UST: variants seen among roughly 807,000 people sequenced by gnomAD.
UST encodes the protein uronyl 2-sulfotransferase.
UST carries 21 observed loss-of-function variants against 45.6 expected under a neutral mutation model. The observed-to-expected ratio is 0.46, with a 90% confidence interval of 0.33 to 0.66. The LOEUF (loss-of-function observed/expected upper bound fraction) is 0.66. Ranked by LOEUF, UST falls within the 30% of genes least tolerant of loss-of-function variation. The pLI is 0.02. For missense variants in UST, 463 were observed against 512.4 expected, an observed-to-expected ratio of 0.90 and a Z score of 0.93; for synonymous variants, 215 against 200.6, an observed-to-expected ratio of 1.07 and a Z score of -0.61.
At chr6:148,946,116 T>C (rs1486583052) in intron 3 of UST, among the ~76,000 whole-genome samples, 1 of 152,124 alleles carries the variant, frequency 6.6e-6, no homozygotes, top group African/African-American at 2.4e-5. Context: ...CAGTGAGACT[T>C]AGGGGGAAAA....
chr6:148,768,846 A>G (rs1312971690), intron 1 of UST, among the ~76,000 whole-genome samples: 1 of 152,194 alleles, frequency 6.6e-6, no homozygotes, highest in East Asian at 1.9e-4. Context: ...TCTTCGCGAT[A>G]CTAGAACCTG....
chr6:149,037,058 C>G (rs1776248673), intron 7 of UST, among the ~76,000 whole-genome samples: 1 of 151,978 alleles, frequency 6.6e-6, no homozygotes, highest in Non-Finnish European at 1.5e-5. Flanking sequence ...GAAACGTGTT[C>G]CCCAGGTTAT....
At chr6:148,880,259 C>A (rs1370772060) in intron 1 of UST, among the ~76,000 whole-genome samples, 1 of 152,034 alleles carries the variant, frequency 6.6e-6, no homozygotes. Flanking sequence ...CCAGCCAGAT[C>A]TCTGACTTTT....
intron 5 of UST, among the ~76,000 whole-genome samples, chr6:148,993,822 A>G (rs1030553902): frequency 5.9e-5 from 9 of 152,138 alleles, no homozygotes; most frequent in African/African-American, 1.4e-4. Context: ...ACCTTCTGCC[A>G]TGATTGGAAG....
chr6:148,830,594 A>C (rs1351214122), intron 1 of UST, among the ~76,000 whole-genome samples: 1 of 152,236 alleles, frequency 6.6e-6, no homozygotes, highest in Non-Finnish European at 1.5e-5. Context: ...TTTCTAGTCC[A>C]GTGGTTTTTT....
intron 5 of UST, among the ~76,000 whole-genome samples, chr6:148,992,445 G>C (rs923860349): frequency 4.6e-5 from 7 of 152,174 alleles, no homozygotes; most frequent in African/African-American, 1.7e-4. Context: ...CTCCAGCCTG[G>C]GCGAGAGAGT....
At chr6:148,796,129 T>C (rs1272097551) in intron 1 of UST, among the ~76,000 whole-genome samples, 1 of 152,128 alleles carries the variant, frequency 6.6e-6, no homozygotes, top group African/African-American at 2.4e-5. Context: ...AAGGGTAGTT[T>C]TGAATCCTCA....
intron 7 of UST, among the ~76,000 whole-genome samples, chr6:149,072,871 G>T (rs1197064183): frequency 6.6e-6 from 1 of 152,140 alleles, no homozygotes; most frequent in Non-Finnish European, 1.5e-5. Flanking sequence ...GAAAGGAAAG[G>T]AATTGGGAGT....
At chr6:148,764,267 T>A (rs541980996) in intron 1 of UST, among the ~76,000 whole-genome samples, 1 of 152,184 alleles carries the variant, frequency 6.6e-6, no homozygotes, top group Non-Finnish European at 1.5e-5. Context: ...GTAAATGATA[T>A]TGAGTTCTTG....
chr6:149,064,702 A>AT (rs2115043583), intron 7 of UST, among the ~76,000 whole-genome samples: 1 of 152,324 alleles, frequency 6.6e-6, no homozygotes, highest in South Asian at 2.1e-4. Flanking sequence ...TCGACTTTCT[A>AT]TAACAGCCAG....
At chr6:149,071,296 A>G (rs1051283882) in intron 7 of UST, among the ~76,000 whole-genome samples, 5 of 152,248 alleles carry the variant, frequency 3.3e-5, no homozygotes, top group Non-Finnish European at 7.3e-5. Flanking sequence ...TATCCTAAAA[A>G]TTGGGAAGTC....
At chr6:149,030,131 A>G (rs1420996819) in intron 7 of UST, among the ~76,000 whole-genome samples, 1 of 152,126 alleles carries the variant, frequency 6.6e-6, no homozygotes, top group African/African-American at 2.4e-5. Flanking sequence ...CATTTTCTAA[A>G]CAAGGAAACC....
At chr6:148,769,750 TTGTGTGTGTGTGTGTGTGTGTG>T (rs57316536) in intron 1 of UST, among the ~76,000 whole-genome samples, 1 of 148,126 alleles carries the variant, frequency 6.8e-6, no homozygotes, top group Non-Finnish European at 1.5e-5. Context: ...GAGCCTGTGT[TTGTGTGTGTGTGTGTGTGTGTG>T]TGTGTGTGTG....
rs1780293915 is a variant in UST, at chr6:148,948,527, T to G, written c.448-5345T>G. On this transcript the variant is annotated intron_variant, in intron 3 of 7. Transcript: ENST00000367463. The stretch of plus-strand genomic sequence containing the variant: ...TATGCTGTGATCTGATTTTTTTCTT[T>G]TAGGTATCTTTCATTACATAGTTAT... Among the ~76,000 whole-genome samples the G allele has an allele frequency of 2.0e-5, 3 of 152,268 alleles. No homozygotes were observed. In the South Asian group the frequency reaches 6.2e-4, roughly 31 times the overall value.
chr6:148,808,661 G>A (rs968302562), intron 1 of UST, among the ~76,000 whole-genome samples: 1 of 152,100 alleles, frequency 6.6e-6, no homozygotes, highest in African/African-American at 2.4e-5. Context: ...AATACCACCT[G>A]TTATGGACTG....
At chr6:148,768,172 C>A (rs1212772486) in intron 1 of UST, among the ~76,000 whole-genome samples, 1 of 152,116 alleles carries the variant, frequency 6.6e-6, no homozygotes, top group African/African-American at 2.4e-5. Flanking sequence ...TTTTAAAAAT[C>A]CTTTACTCAT....
chr6:148,881,881 CTGA>C (rs1469076151), intron 1 of UST, among the ~76,000 whole-genome samples: 1 of 152,172 alleles, frequency 6.6e-6, no homozygotes, highest in African/African-American at 2.4e-5. Context: ...ACTTTGCACT[CTGA>C]TGAAAGCGTA....
At chr6:149,017,375 A>G (rs1307991666) in intron 5 of UST, among the ~76,000 whole-genome samples, 2 of 137,788 alleles carry the variant, frequency 1.5e-5, no homozygotes, top group African/African-American at 6.2e-5. Context: ...ACTCTGTCTC[A>G]AAAAAAAAAA....
intron 1 of UST, among the ~76,000 whole-genome samples, chr6:148,878,648 G>T (rs1778763725): frequency 7.3e-6 from 1 of 137,736 alleles, no homozygotes; most frequent in Non-Finnish European, 1.6e-5. Context: ...TATGAGTGCG[G>T]GGGGTCGTGT....
Sources: gnomAD v4.1 joint callset for allele counts (sites outside exome capture counted in the v4.1 genomes callset) on GRCh38, gnomAD v4.1.1 for gene constraint, MANE v1.5 for transcripts, NCBI Gene and HGNC (gene_info 2026-07-23, HGNC 2026-07-21) for gene names.